Variants in TNS1 observed in about 807,000 individuals in gnomAD.
TNS1 encodes tensin 1.
TNS1 carries 62 observed loss-of-function variants against 168.6 expected under a neutral mutation model. The ratio of observed to expected loss-of-function variants is 0.37; its 90% CI spans 0.30 to 0.45. The LOEUF is 0.45. Ranked by LOEUF, TNS1 falls within the 20% of genes least tolerant of loss-of-function variation. TNS1 has a pLI of 1.00. For missense variants in TNS1, 2,240 were observed against 2,339.4 expected (o/e 0.96, Z 0.88); for synonymous variants, 934 against 933.2 (o/e 1.00, Z -0.02).
rs2288177 is a variant in TNS1, at chr2:217,919,903, G to A, written c.228+292C>T. On this transcript the variant is annotated intron_variant, in intron 4 of 32. Coordinates refer to ENST00000682258, the MANE Select transcript of TNS1 (RefSeq NM_001387777.1). ...GGCAGCCCCTGGTCCTCTGAGTCCC[G>A]GGACAACAGGCACCTGGCCAGGCCT... Among the ~76,000 whole-genome samples the A allele has an allele frequency of 9.2e-5, 14 of 152,292 alleles. No homozygotes were observed. The East Asian group carries it at 2.7e-3, about 29-fold the overall frequency.
chr2:217,886,958 A>G (rs969860923), intron 12 of TNS1, among the ~76,000 whole-genome samples: 30 of 152,066 alleles, frequency 2.0e-4, no homozygotes, highest in Non-Finnish European at 2.2e-4. Context: ...CCAGCCCGAG[A>G]ATCTCCTGCT....
At chr2:217,926,403 G>A (rs1956030067) in intron 3 of TNS1, among the ~76,000 whole-genome samples, 1 of 152,130 alleles carries the variant, frequency 6.6e-6, no homozygotes, top group South Asian at 2.1e-4. Context: ...ACCACTTCGT[G>A]TTTTTCTATT....
At chr2:217,820,585 C>T (rs1942681558) in intron 23 of TNS1, among the ~76,000 whole-genome samples, 1 of 152,134 alleles carries the variant, frequency 6.6e-6, no homozygotes, top group Admixed American at 6.5e-5. Flanking sequence ...CTGTGACATC[C>T]CAGGCTAGGG....
At chr2:217,835,865 A>C in intron 20 of TNS1, 150 bp downstream of exon 20, 1 of 633,258 alleles carries the variant, frequency 1.6e-6, no homozygotes, top group South Asian at 2.6e-5. Context: ...CAGACTCCAC[A>C]TGTCAGAGAA....
At chr2:217,903,747 A>G in intron 6 of TNS1, 1 of 754,684 alleles carries the variant, frequency 1.3e-6, no homozygotes, top group Non-Finnish European at 2.2e-6. Flanking sequence ...GATTCAGCCA[A>G]CTCTTTTTGC....
At chr2:217,974,008 G>A (rs1957832037) in intron 3 of TNS1, among the ~76,000 whole-genome samples, 1 of 152,236 alleles carries the variant, frequency 6.6e-6, no homozygotes, top group Non-Finnish European at 1.5e-5. Flanking sequence ...CAGACATAAT[G>A]CTGAGTGAAA....
chr2:217,841,914 C>G, intron 19 of TNS1: 1 of 593,760 alleles, frequency 1.7e-6, no homozygotes, highest in South Asian at 2.1e-5. Context: ...GATGAACCTT[C>G]TCAGATGCAC....
chr2:217,951,103 G>A (rs575390129), intron 3 of TNS1, among the ~76,000 whole-genome samples: 2 of 152,302 alleles, frequency 1.3e-5, no homozygotes, highest in South Asian at 4.1e-4. Context: ...CAGGGGGAAG[G>A]GAATCACAGA....
rs969665884 is a variant in TNS1, at chr2:217,890,836, A to G, written c.866+126T>C. The G allele has an allele frequency of 1.4e-5, 14 of 1,013,638 alleles. No individual in the cohort carries two copies. The African/African-American group carries it at 1.9e-4, about 14-fold the overall frequency. 62.8% of individuals were successfully genotyped at this position (1,013,638 alleles called of 1,614,324 possible). The stretch of plus-strand genomic sequence containing the variant: ...TCACACCACTGCAGGCTGGCATCTG[A>G]AAACTTGCGCCTGGTACACCCCCAC... On this transcript the variant is annotated intron_variant, in intron 12 of 32. Transcript: ENST00000682258.
rs562557482 is a variant in TNS1 at position 217,856,260 on chromosome 2, G to A, written c.1430-7173C>T. Among the ~76,000 whole-genome samples, 56 of 152,282 alleles carry A rather than the reference G, an allele frequency of 3.7e-4. 1 individual carries two copies. In the South Asian group the frequency reaches 0.011, roughly 30 times the overall value. ...AGGGTGCTCCACTGGGTTTTAACCT[G>A]CCAGGGGAAGTGATGTGAGGAAGGC... On this transcript the variant is annotated intron_variant, in intron 18 of 32. Transcript: ENST00000682258.
At chr2:217,843,303 T>C (rs921836175) in intron 19 of TNS1, among the ~76,000 whole-genome samples, 1 of 152,142 alleles carries the variant, frequency 6.6e-6, no homozygotes, top group Non-Finnish European at 1.5e-5. Context: ...CTTACCTCCT[T>C]AGAGACCTTA....
intron 18 of TNS1, among the ~76,000 whole-genome samples, chr2:217,874,233 T>C (rs907024061): frequency 4.6e-5 from 7 of 152,186 alleles, no homozygotes; most frequent in Non-Finnish European, 7.3e-5. Context: ...GGCAGTAGTA[T>C]ACAAAACAAG....
At chr2:218,031,182 G>C (rs1958893120) in intron 1 of TNS1, among the ~76,000 whole-genome samples, 1 of 148,696 alleles carries the variant, frequency 6.7e-6, no homozygotes, top group South Asian at 2.2e-4. Flanking sequence ...TTGTGTGAGT[G>C]TGAATGTGTC....
chr2:217,987,337 G>A (rs1213178331), intron 2 of TNS1, among the ~76,000 whole-genome samples: 1 of 152,110 alleles, frequency 6.6e-6, no homozygotes, highest in African/African-American at 2.4e-5. Context: ...CAGGTCCGGA[G>A]GAACCCCTTT....
At position 217,976,600 on chromosome 2, in the gene TNS1, C is replaced by T. The variant is rs1353574172; in HGVS notation, c.186+2165G>A. ...GCAGGGCAGAGCAGCACTGCGGCAG[C>T]CTGGTGCATTCTGAGCCCCCAGCAC... is the stretch of plus-strand genomic sequence containing the variant. On this transcript the variant is annotated intron_variant, in intron 3 of 32. Coordinates refer to ENST00000682258, the MANE Select transcript of TNS1 (RefSeq NM_001387777.1). Among the ~76,000 whole-genome samples the T allele has an allele frequency of 1.3e-5, 2 of 152,232 alleles. 1 individual carries two copies. Among genetic ancestry groups the T allele is most frequent in the Non-Finnish European group, 2.9e-5 (2 of 68,034 alleles).
At chr2:217,994,474 C>A (rs979340824) in intron 1 of TNS1, among the ~76,000 whole-genome samples, 2 of 152,156 alleles carry the variant, frequency 1.3e-5, no homozygotes, top group Non-Finnish European at 1.5e-5. Flanking sequence ...TCTCTCCCAC[C>A]CCACAAAGTC....
chr2:217,907,615 C>G (rs1953868774), intron 4 of TNS1, among the ~76,000 whole-genome samples: 1 of 152,174 alleles, frequency 6.6e-6, no homozygotes, highest in East Asian at 1.9e-4. Flanking sequence ...CCATTAATAC[C>G]TTTTATCCCC....
chr2:217,951,663 C>T (rs770099562), intron 3 of TNS1, among the ~76,000 whole-genome samples: 5 of 152,044 alleles, frequency 3.3e-5, no homozygotes, highest in Non-Finnish European at 7.4e-5. Flanking sequence ...GCCCTCAGGG[C>T]TCACTCCCCA....
chr2:217,974,446 T>C (rs1047361995), intron 3 of TNS1, among the ~76,000 whole-genome samples: 2 of 152,218 alleles, frequency 1.3e-5, no homozygotes, highest in Admixed American at 6.5e-5. Flanking sequence ...TCCTTTATTC[T>C]ATCCTTTTAT....
Sources: allele counts gnomAD v4.1 joint callset (sites outside exome capture counted in the v4.1 genomes callset), GRCh38; gene constraint gnomAD v4.1.1; transcripts MANE v1.5; gene names NCBI Gene and HGNC (gene_info 2026-07-23, HGNC 2026-07-21).